Variants in NEK11 observed in about 807,000 individuals in gnomAD.
NEK11 encodes the protein serine/threonine-protein kinase Nek11.
A neutral mutation model predicts 80.7 loss-of-function variants in NEK11; 72 were observed. That is an observed-to-expected ratio of 0.89 (90% CI 0.74 to 1.08). The LOEUF is 1.08. Ranked by LOEUF, NEK11 falls within the 50% of genes least tolerant of loss-of-function variation. NEK11 has a pLI of 0.00. For synonymous variants in NEK11, 251 were observed against 260.7 expected, an observed-to-expected ratio of 0.96 and a Z score of 0.36; for missense variants, 764 against 763.6, an observed-to-expected ratio of 1.00 and a Z score of -0.01.
At chr3:131,166,698 A>G (rs1303673427) in intron 12 of NEK11, among the ~76,000 whole-genome samples, 1 of 152,124 alleles carries the variant, frequency 6.6e-6, no homozygotes, top group Non-Finnish European at 1.5e-5. Context: ...TGCAGGCTAC[A>G]GAGAATTGGG....
intron 16 of NEK11, among the ~76,000 whole-genome samples, chr3:131,247,535 T>C (rs542395065): frequency 1.3e-5 from 2 of 152,132 alleles, no homozygotes; most frequent in Non-Finnish European, 2.9e-5. Flanking sequence ...TATAATATAG[T>C]ATAGTTTGAA....
intron 10 of NEK11, among the ~76,000 whole-genome samples, chr3:131,158,616 T>G (rs1340086828): frequency 6.6e-6 from 1 of 152,190 alleles, no homozygotes; most frequent in African/African-American, 2.4e-5. Context: ...CCACAAGTGC[T>G]GCACCCTGTG....
intron 14 of NEK11, among the ~76,000 whole-genome samples, chr3:131,210,566 A>G (rs1451942560): frequency 6.6e-6 from 1 of 152,178 alleles, no homozygotes; most frequent in Non-Finnish European, 1.5e-5. Flanking sequence ...TAATGTTGAC[A>G]GTGGGGTGTT....
intron 14 of NEK11, among the ~76,000 whole-genome samples, chr3:131,216,440 T>G (rs2094837689): frequency 6.6e-6 from 1 of 152,238 alleles, no homozygotes; most frequent in Admixed American, 6.5e-5. Context: ...GGTGAGTGCA[T>G]TAGGCAAGGC....
At chr3:131,074,100 A>C (rs1412649424) in intron 3 of NEK11, among the ~76,000 whole-genome samples, 1 of 151,992 alleles carries the variant, frequency 6.6e-6, no homozygotes. Context: ...ATACCCTTTC[A>C]TGGCTTCCTT....
At chr3:131,051,154 T>G in intron 3 of NEK11, among the ~76,000 whole-genome samples, 1 of 152,226 alleles carries the variant, frequency 6.6e-6, no homozygotes, top group East Asian at 1.9e-4. Context: ...TTTTAAAAAA[T>G]ATTTTGAAAA....
chr3:131,213,003 T>A (rs2150550466), intron 14 of NEK11, among the ~76,000 whole-genome samples: 1 of 152,320 alleles, frequency 6.6e-6, no homozygotes, highest in East Asian at 1.9e-4. Context: ...AGAAGACTGA[T>A]CTTCCCCAAA....
intron 14 of NEK11, among the ~76,000 whole-genome samples, chr3:131,227,005 C>A (rs2095219799): frequency 6.6e-6 from 1 of 151,322 alleles, no homozygotes; most frequent in South Asian, 2.1e-4. Context: ...TAACAGTATT[C>A]TATCTCATCT....
At chr3:131,243,725 T>TC (rs1432788952) in intron 16 of NEK11, among the ~76,000 whole-genome samples, 1 of 152,110 alleles carries the variant, frequency 6.6e-6, no homozygotes, top group Non-Finnish European at 1.5e-5. Flanking sequence ...TAATTGAAAT[T>TC]CAGTGGTCCC....
intron 17 of NEK11, among the ~76,000 whole-genome samples, chr3:131,281,962 C>A (rs1250298698): frequency 6.6e-6 from 1 of 152,154 alleles, no homozygotes; most frequent in East Asian, 1.9e-4. Context: ...CAAAATGTCC[C>A]CACATCTAAA....
chr3:131,257,514 A>G (rs141625779), intron 16 of NEK11, among the ~76,000 whole-genome samples: 3 of 152,334 alleles, frequency 2.0e-5, no homozygotes, highest in African/African-American at 7.2e-5. Flanking sequence ...AATTTTAGGA[A>G]TAACTAGAGA....
At chr3:131,064,820 G>A (rs538892559) in intron 3 of NEK11, among the ~76,000 whole-genome samples, 1 of 152,082 alleles carries the variant, frequency 6.6e-6, no homozygotes, top group East Asian at 1.9e-4. Flanking sequence ...AAACAAGAAT[G>A]TAAATAGGCA....
intron 3 of NEK11, among the ~76,000 whole-genome samples, chr3:131,047,178 A>G (rs1234189394): frequency 2.0e-5 from 3 of 151,810 alleles, no homozygotes; most frequent in Non-Finnish European, 4.4e-5. Flanking sequence ...TTTTCTTTTC[A>G]TATCTTGTAT....
At chr3:131,050,676 A>T (rs2068225412) in intron 3 of NEK11, among the ~76,000 whole-genome samples, 1 of 152,212 alleles carries the variant, frequency 6.6e-6, no homozygotes, top group South Asian at 2.1e-4. Context: ...TTATTAGACC[A>T]TATAAAAATG....
intron 11 of NEK11, among the ~76,000 whole-genome samples, chr3:131,164,184 T>A (rs2091960615): frequency 6.6e-6 from 1 of 152,200 alleles, no homozygotes; most frequent in Admixed American, 6.5e-5. Context: ...TTGTGAGCAG[T>A]GGTGTGCTGG....
chr3:131,215,303 T>G, intron 14 of NEK11, among the ~76,000 whole-genome samples: 1 of 149,676 alleles, frequency 6.7e-6, no homozygotes, highest in African/African-American at 2.5e-5. Flanking sequence ...GGGATAGCAT[T>G]AGGAGATATA....
intron 10 of NEK11, among the ~76,000 whole-genome samples, chr3:131,160,663 A>C (rs1342941659): frequency 6.6e-6 from 1 of 152,182 alleles, no homozygotes. Flanking sequence ...AGGCCCAACT[A>C]TATGCTGTCT....
At chr3:131,142,113 A>C (rs1470852856) in intron 7 of NEK11, among the ~76,000 whole-genome samples, 1 of 152,202 alleles carries the variant, frequency 6.6e-6, no homozygotes, top group Non-Finnish European at 1.5e-5. Context: ...TTATGCTCTG[A>C]AAAACATGGA....
chr3:131,098,485 C>G (rs574814869), intron 4 of NEK11, among the ~76,000 whole-genome samples: 1 of 152,024 alleles, frequency 6.6e-6, no homozygotes, highest in South Asian at 2.1e-4. Flanking sequence ...TTGCATTTCT[C>G]TGATGATTAG....
Sources: gnomAD v4.1 joint callset for allele counts (sites outside exome capture counted in the v4.1 genomes callset) on GRCh38, gnomAD v4.1.1 for gene constraint, MANE v1.5 for transcripts, NCBI Gene and HGNC (gene_info 2026-07-23, HGNC 2026-07-21) for gene names.